The following TOP1 variants were observed in gnomAD, a reference collection of about 807,000 sequenced individuals.
TOP1 encodes the protein DNA topoisomerase I.
A neutral mutation model predicts 111.1 loss-of-function variants in TOP1; 10 were observed. The ratio of observed to expected loss-of-function variants is 0.09; its 90% CI spans 0.06 to 0.15. TOP1 has a LOEUF of 0.15. TOP1 is among the 10% of genes least tolerant of loss of function. TOP1 has a pLI of 1.00. For synonymous variants in TOP1, 271 were observed against 302.9 expected (o/e 0.89, Z 1.10); for missense variants, 474 against 926.7 (o/e 0.51, Z 6.34).
intron 14 of TOP1, 91 bp from the exon 15 acceptor site, chr20:41,113,879 C>CAAAAAA (rs552197714): frequency 1.5e-5 from 10 of 662,204 alleles, no homozygotes; most frequent in East Asian, 6.9e-5. Context: ...GAGACTGTCT[C>CAAAAAA]AAAAAAAAAA....
At chr20:41,099,116 T>C (rs1453436079) in intron 11 of TOP1, among the ~76,000 whole-genome samples, 1 of 152,254 alleles carries the variant, frequency 6.6e-6, no homozygotes, top group Non-Finnish European at 1.5e-5. Flanking sequence ...GTAGTTTCAG[T>C]ATTTTAAAGG....
chr20:41,073,232 C>G (rs6016508), intron 3 of TOP1: 2 of 985,196 alleles, frequency 2.0e-6, no homozygotes, highest in South Asian at 9.4e-5. Flanking sequence ...AGCCAGTTTT[C>G]TAGTGAAAAT....
At position 41,095,420 on chromosome 20, in the gene TOP1, G is replaced by A. The variant is rs535076160; in HGVS notation, c.731-1800G>A. ...TTATTTCATTTATTTTATTCCTAAT[G>A]ACTTAATGTTTTCCTTTATATTGGA... On this transcript the variant is annotated intron_variant, in intron 9 of 20. Coordinates refer to ENST00000361337, the MANE Select transcript of TOP1 (RefSeq NM_003286.4). This position sits in a 1 kb window ranked among gnomAD's most constrained non-coding sequence, Gnocchi z 4.6. Among the ~76,000 whole-genome samples the A allele has an allele frequency of 4.6e-5, 7 of 152,032 alleles. No homozygotes were observed. The East Asian group carries it at 1.4e-3, about 29-fold the overall frequency.
At position 41,071,382 on chromosome 20, in the gene TOP1, A is replaced by C. The variant is rs906489588; in HGVS notation, c.156-4789A>C. Among the ~76,000 whole-genome samples the C allele has an allele frequency of 6.6e-6, 1 of 151,040 alleles. No individual in the cohort carries two copies. Among genetic ancestry groups the C allele is most frequent in the Non-Finnish European group, 1.5e-5 (1 of 67,896 alleles). ...TTTTTTTGAGATGGAGCCTCAGTCTATCGCCAGGCTGGAGTGCAGTGGCGT... is the reference window on the plus strand; with the variant it reads ...TTTTTTTGAGATGGAGCCTCAGTCTCTCGCCAGGCTGGAGTGCAGTGGCGT... On this transcript the variant is annotated intron_variant, in intron 3 of 20. Coordinates refer to ENST00000361337, the MANE Select transcript of TOP1 (RefSeq NM_003286.4). The surrounding 1 kb of genome is among the most constrained non-coding windows in gnomAD (Gnocchi z 4.3).
At chr20:41,065,567 T>C (rs2145929115) in intron 3 of TOP1, among the ~76,000 whole-genome samples, 1 of 152,302 alleles carries the variant, frequency 6.6e-6, no homozygotes, top group African/African-American at 2.4e-5. Flanking sequence ...TCCCAATATC[T>C]TTCTACTTTG....
In TOP1 at chr20:41,030,066, G is replaced by A. The variant is rs2033098801; in HGVS notation, c.58+611G>A. 6.6e-6 allele frequency among the ~76,000 whole-genome samples: 1 copy of A among 151,960 alleles called. No individual in the cohort carries two copies. Among genetic ancestry groups the A allele is most frequent in the Non-Finnish European group, 1.5e-5 (1 of 68,012 alleles). ...TAGGCTGTTTATGATAGGAATTATG[G>A]CTCTAAAACTAAAGCCACGCTTTGT... is the stretch of plus-strand genomic sequence containing the variant. On this transcript the variant is annotated intron_variant, in intron 2 of 20. Transcript: ENST00000361337. This position sits in a 1 kb window ranked among gnomAD's most constrained non-coding sequence, Gnocchi z 4.1.
rs749340595 is a variant in TOP1, at chr20:41,115,987, G to A, written c.1708-291G>A. 6.6e-6 allele frequency among the ~76,000 whole-genome samples: 1 copy of A among 152,186 alleles called. No homozygotes were observed. Among genetic ancestry groups the A allele is most frequent in the Non-Finnish European group, 1.5e-5 (1 of 68,030 alleles). On this transcript the variant is annotated intron_variant, in intron 16 of 20. Coordinates refer to ENST00000361337, the MANE Select transcript of TOP1 (RefSeq NM_003286.4). This position sits in a 1 kb window ranked among gnomAD's most constrained non-coding sequence, Gnocchi z 6.3. ...GCTGCTTAGGAGCCTCAGAAGGATT[G>A]CATGAGCCCGGGAGGTGGAGGCAGC...
At chr20:41,108,089 T>C (rs1246303538) in intron 13 of TOP1, among the ~76,000 whole-genome samples, 3 of 152,226 alleles carry the variant, frequency 2.0e-5, no homozygotes, top group African/African-American at 7.2e-5. Context: ...TAATAGAATG[T>C]TGAAGGGTGG....
At position 41,100,341 on chromosome 20, in the gene TOP1, A is replaced by C; in HGVS notation, c.1163+98A>C. ...CCAGGTTACACAGGACTGTTTGGGA[A>C]GGGAGATACTTAAGAGCAGGACAGT... is the stretch of plus-strand genomic sequence containing the variant. On this transcript the variant is annotated intron_variant, in intron 12 of 20. Coordinates refer to ENST00000361337, the MANE Select transcript of TOP1 (RefSeq NM_003286.4). This position sits in a 1 kb window ranked among gnomAD's most constrained non-coding sequence, Gnocchi z 4.4. 9.8e-7 allele frequency: 1 copy of C among 1,021,150 alleles called. No individual in the cohort carries two copies. Among genetic ancestry groups the C allele is most frequent in the Non-Finnish European group, 1.4e-6 (1 of 699,204 alleles). 63.3% of individuals were successfully genotyped at this position (1,021,150 alleles called of 1,614,324 possible).
chr20:41,119,650 T>A (rs2034390821), intron 18 of TOP1, among the ~76,000 whole-genome samples: 1 of 152,214 alleles, frequency 6.6e-6, no homozygotes, highest in African/African-American at 2.4e-5. Flanking sequence ...CCATGAGTAA[T>A]ATAGCTGGTT....
intron 3 of TOP1, among the ~76,000 whole-genome samples, chr20:41,065,346 T>C (rs1400432135): frequency 6.6e-6 from 1 of 152,244 alleles, no homozygotes; most frequent in Non-Finnish European, 1.5e-5. Flanking sequence ...CACGTACTCT[T>C]AATCTTCTAT....
Position 41,029,710 on chromosome 20 carries a change from T to C in TOP1, c.58+255T>C. The C allele has an allele frequency of 1.8e-6, 1 of 563,732 alleles. No individual in the cohort carries two copies. The highest frequency in any genetic ancestry group is 3.2e-6 in the Non-Finnish European group (1 of 310,040). The allele number at this position is 563,732 out of a possible 1,614,324, so 34.9% of individuals were successfully genotyped here. A position where few individuals can be genotyped will look rare whatever the true frequency, so the allele number is the denominator to read the frequency against. ...GTCCGCCACCGGGCCTCGGGCGGTC[T>C]TTCCGGGCCGGGATTCCTCCCGGGA... On this transcript the variant is annotated intron_variant, in intron 2 of 20. Coordinates refer to ENST00000361337, the MANE Select transcript of TOP1 (RefSeq NM_003286.4). The surrounding 1 kb of genome is among the most constrained non-coding windows in gnomAD (Gnocchi z 6.1).
Position 41,078,658 on chromosome 20 carries a change from T to A in TOP1, c.335+1021T>A, listed in dbSNP as rs1449500459. 6.6e-6 allele frequency among the ~76,000 whole-genome samples: 1 copy of A among 152,244 alleles called. No individual in the cohort carries two copies. Among genetic ancestry groups the A allele is most frequent in the Non-Finnish European group, 1.5e-5 (1 of 68,044 alleles). On this transcript the variant is annotated intron_variant, in intron 5 of 20. Transcript: ENST00000361337. This position sits in a 1 kb window ranked among gnomAD's most constrained non-coding sequence, Gnocchi z 5.3. Reference sequence around the variant, plus strand: ...GACTGAGGAGGCACTGCTGGGCTAATCTCTGCCAAGAGACTGCCTTGGATT... The same window carrying A: ...GACTGAGGAGGCACTGCTGGGCTAAACTCTGCCAAGAGACTGCCTTGGATT...
rs2033081020 is a variant in TOP1, at chr20:41,029,137, G to A, written c.33+37G>A. ...CCTGACCCTGGCGGCCCCGGACCCC[G>A]GCCTGGCCGTCCCGCGACCCCCGGC... On this transcript the variant is annotated intron_variant, in intron 1 of 20. Transcript: ENST00000361337. The surrounding 1 kb of genome is among the most constrained non-coding windows in gnomAD (Gnocchi z 6.1). 7.0e-7 allele frequency: 1 copy of A among 1,437,832 alleles called. No homozygotes were observed. Among genetic ancestry groups the A allele is most frequent in the Non-Finnish European group, 9.1e-7 (1 of 1,094,718 alleles). 89.1% of individuals were successfully genotyped at this position (1,437,832 alleles called of 1,614,324 possible). A position where few individuals can be genotyped will look rare whatever the true frequency, so the allele number is the denominator to read the frequency against.
intron 2 of TOP1, among the ~76,000 whole-genome samples, chr20:41,053,018 G>A (rs2033425250): frequency 6.6e-6 from 1 of 151,938 alleles, no homozygotes; most frequent in Non-Finnish European, 1.5e-5. Context: ...ACTCTGTTTT[G>A]GACACATGAC....
intron 2 of TOP1, among the ~76,000 whole-genome samples, chr20:41,051,916 C>T (rs893708382): frequency 6.6e-6 from 1 of 152,168 alleles, no homozygotes; most frequent in Non-Finnish European, 1.5e-5. Context: ...ACCGCATTGA[C>T]AGTTGTTAAC....
At position 41,095,299 on chromosome 20, in the gene TOP1, G is replaced by A. The variant is rs539710288; in HGVS notation, c.731-1921G>A. 1.2e-4 allele frequency among the ~76,000 whole-genome samples: 18 copies of A among 152,240 alleles called. No homozygotes were observed. Among genetic ancestry groups the A allele is most frequent in the East Asian group, 1.9e-4 (1 of 5,184 alleles). On this transcript the variant is annotated intron_variant, in intron 9 of 20. Transcript: ENST00000361337. The surrounding 1 kb of genome is among the most constrained non-coding windows in gnomAD (Gnocchi z 4.6). ...CCTGACCTGAAGTGATCCTTGCACC[G>A]CCTCCTAAAGTGCTGGGATTACAGA...
chr20:41,118,311 A>G lies in TOP1; in HGVS notation c.1950+15A>G, dbSNP rs1421338265. 1.2e-6 allele frequency: 2 copies of G among 1,613,772 alleles called. No individual in the cohort carries two copies. Among genetic ancestry groups the G allele is most frequent in the Non-Finnish European group, 1.7e-6 (2 of 1,179,846 alleles). On this transcript the variant is annotated intron_variant, in intron 18 of 20. Coordinates refer to ENST00000361337, the MANE Select transcript of TOP1 (RefSeq NM_003286.4). This position sits in a 1 kb window ranked among gnomAD's most constrained non-coding sequence, Gnocchi z 4.6. ...TGCAAACTAAGGTATCTTGGATAAA[A>G]TGAAGGGAACTGTGTCTGCTGTGGG... is the stretch of plus-strand genomic sequence containing the variant.
rs1192466181 is a variant in TOP1 at position 41,058,856 on chromosome 20, G to C, written c.59-2538G>C. On this transcript the variant is annotated intron_variant, in intron 2 of 20. Transcript: ENST00000361337. The surrounding 1 kb of genome is among the most constrained non-coding windows in gnomAD (Gnocchi z 4.2). ...GCCAAGACAATTTAATGGGGAAAGG[G>C]CCATCTTTTAAAAAATAATGCTAGG... Among the ~76,000 whole-genome samples, 1 of 152,044 alleles carries C rather than the reference G, an allele frequency of 6.6e-6. No homozygotes were observed. Among genetic ancestry groups the C allele is most frequent in the Non-Finnish European group, 1.5e-5 (1 of 68,014 alleles).
Sources: allele counts gnomAD v4.1 joint callset (sites outside exome capture counted in the v4.1 genomes callset), GRCh38; gene constraint gnomAD v4.1.1; non-coding constraint Gnocchi (gnomAD v3.1); transcripts MANE v1.5; gene names NCBI Gene and HGNC (gene_info 2026-07-23, HGNC 2026-07-21).